Variants in ARHGEF37 observed in about 807,000 individuals in gnomAD.
ARHGEF37 encodes Rho guanine nucleotide exchange factor (GEF) 37.
In ARHGEF37, 55 loss-of-function variants were observed where a neutral mutation model predicts 71.1. The observed-to-expected ratio is 0.77, with a 90% CI of 0.62 to 0.97. The LOEUF (loss-of-function observed/expected upper bound fraction) is 0.97. ARHGEF37 is among the 50% of genes least tolerant of loss of function. The pLI, the probability that ARHGEF37 is intolerant of heterozygous loss-of-function variation, is 0.00. For synonymous variants in ARHGEF37, 327 were observed against 350.6 expected (o/e 0.93, Z 0.75); for missense variants, 765 against 836.8 (o/e 0.91, Z 1.06).
intron 1 of ARHGEF37, among the ~76,000 whole-genome samples, chr5:149,585,103 C>T (rs904500681): frequency 2.6e-5 from 4 of 152,182 alleles, no homozygotes; most frequent in African/African-American, 9.7e-5. Context: ...AGTGAAATAT[C>T]ACTTCATAAC....
intron 1 of ARHGEF37, among the ~76,000 whole-genome samples, chr5:149,561,573 A>G (rs1395079908): frequency 6.6e-6 from 1 of 152,234 alleles, no homozygotes; most frequent in Non-Finnish European, 1.5e-5. Flanking sequence ...GAGGAAATTC[A>G]AGTCATCAAT....
intron 3 of ARHGEF37, among the ~76,000 whole-genome samples, chr5:149,607,910 G>T (rs1484913580): frequency 1.3e-5 from 2 of 151,826 alleles, no homozygotes; most frequent in Non-Finnish European, 2.9e-5. Context: ...GGGACTACAG[G>T]TGCCCGCCAC....
chr5:149,600,075 T>C (rs910780788), intron 2 of ARHGEF37, among the ~76,000 whole-genome samples: 2 of 152,322 alleles, frequency 1.3e-5, no homozygotes, highest in South Asian at 2.1e-4. Context: ...GACTGGATGG[T>C]ATGGCCTATT....
In ARHGEF37 at chr5:149,563,062, C is replaced by T. The variant is rs374590815; in HGVS notation, c.-12+10939C>T. 1.2e-3 allele frequency among the ~76,000 whole-genome samples: 177 copies of T among 152,304 alleles called. 6 individuals carry two copies. The South Asian group carries it at 0.036, about 31-fold the overall frequency. ...TTTGAGAGTCAGCACCCATCTTCAT[C>T]GTGTCTGAATCTCAAACCCAGCAGT... On this transcript the variant is annotated intron_variant, in intron 1 of 2. Transcript: ENST00000505810.
chr5:149,580,084 C>T (rs913874946), upstream of ARHGEF37, among the ~76,000 whole-genome samples: 18 of 152,024 alleles, frequency 1.2e-4, no homozygotes, highest in African/African-American at 4.1e-4. Context: ...TTTTTCGAGA[C>T]GGAGTCTCGC....
At chr5:149,555,209 A>C (rs1762737680) in intron 1 of ARHGEF37, among the ~76,000 whole-genome samples, 3 of 152,080 alleles carry the variant, frequency 2.0e-5, no homozygotes, top group African/African-American at 7.2e-5. Context: ...GAATTCACTA[A>C]AAATATCAAA....
At chr5:149,557,761 A>G (rs1762773761) in intron 1 of ARHGEF37, among the ~76,000 whole-genome samples, 1 of 152,090 alleles carries the variant, frequency 6.6e-6, no homozygotes, top group South Asian at 2.1e-4. Context: ...CTAATTAACC[A>G]TACATTTATT....
chr5:149,595,131 A>T (rs761758679), intron 1 of ARHGEF37, among the ~76,000 whole-genome samples: 2 of 152,152 alleles, frequency 1.3e-5, no homozygotes, highest in Non-Finnish European at 2.9e-5. Context: ...ACAATTGTGT[A>T]TCTTACTGTG....
chr5:149,629,249 A>G (rs961870787), intron 12 of ARHGEF37, among the ~76,000 whole-genome samples: 4 of 144,064 alleles, frequency 2.8e-5, no homozygotes, highest in Non-Finnish European at 4.4e-5. Flanking sequence ...CATTCATTCA[A>G]TATTTGCCAG....
chr5:149,631,327 T>C (rs1358350473), intron 12 of ARHGEF37, among the ~76,000 whole-genome samples: 2 of 152,082 alleles, frequency 1.3e-5, no homozygotes, highest in East Asian at 1.9e-4. Flanking sequence ...TGCGCCACCA[T>C]GCCCGGCTAA....
Position 149,627,422 on chromosome 5 carries a change from ACAGT to A in ARHGEF37, c.1660+156_1660+159del, listed in dbSNP as rs1752726793. ...AGGTGACACACACAGGGCTCAGGGC[ACAGT>A]CAGTTTAGAGTGACTCCGTGGGACA... is the stretch of plus-strand genomic sequence containing the variant. On this transcript the variant is annotated intron_variant, in intron 11 of 12. Transcript: ENST00000333677. 6 of 851,012 alleles carry A rather than the reference ACAGT, an allele frequency of 7.1e-6. No individual in the cohort carries two copies. In the South Asian group the frequency reaches 1.1e-4, roughly 15 times the overall value. The allele number at this position is 851,012 out of a possible 1,614,324, so 52.7% of individuals were successfully genotyped here.
At chr5:149,573,870 G>A (rs1201944791) in intron 1 of ARHGEF37, among the ~76,000 whole-genome samples, 3 of 151,982 alleles carry the variant, frequency 2.0e-5, no homozygotes, top group African/African-American at 4.8e-5. Context: ...GATTAACCTT[G>A]TTCTTATTGG....
intron 1 of ARHGEF37, among the ~76,000 whole-genome samples, chr5:149,597,265 A>C (rs1260655761): frequency 6.6e-6 from 1 of 152,006 alleles, no homozygotes; most frequent in African/African-American, 2.4e-5. Context: ...TCTATTAAAA[A>C]AAAATTTTTT....
chr5:149,597,835 C>T lies in ARHGEF37; in HGVS notation c.66C>T (p.Ala22=). The T allele has an allele frequency of 6.2e-7, 1 of 1,605,966 alleles. No homozygotes were observed. Among genetic ancestry groups the T allele is most frequent in the Non-Finnish European group, 8.5e-7 (1 of 1,176,698 alleles). Residue 22 remains alanine (A), a synonymous_variant, in exon 2 of 13, where the codon GCC becomes GCT. Coordinates refer to ENST00000333677, the MANE Select transcript of ARHGEF37 (RefSeq NM_001001669.3). The stretch of plus-strand genomic sequence containing the variant: ...GGAGTCCGGACAGGGAAGGTAGGGC[C>T]TCTGAGGACAGATCGCTGCTTCATC... ...RSGSPDREGR[A]SEDRSLLHQR...
chr5:149,622,247 T>C (rs1192645321), intron 9 of ARHGEF37, among the ~76,000 whole-genome samples, 185 bp downstream of exon 9: 2 of 152,172 alleles, frequency 1.3e-5, no homozygotes, highest in Non-Finnish European at 2.9e-5. Context: ...CCTCTGTTAG[T>C]GAAGTCAGAC....
At chr5:149,609,037 TA>T (rs1318154938) in intron 3 of ARHGEF37, among the ~76,000 whole-genome samples, 3 of 151,860 alleles carry the variant, frequency 2.0e-5, no homozygotes, top group African/African-American at 4.8e-5. Flanking sequence ...ATACAAAAAT[TA>T]GCCAGGCATG....
rs760125677 is a variant in ARHGEF37, at chr5:149,566,451, T to C, written c.-12+14328T>C. Among the ~76,000 whole-genome samples the C allele has an allele frequency of 3.3e-5, 5 of 152,026 alleles. No homozygotes were observed. The East Asian group carries it at 9.7e-4, about 30-fold the overall frequency. ...AGGCAGAAGTTGCAGTGAGCCAAGATTGTGCCACTGAACTCCAGCCTGGGT... is the reference window on the plus strand; with the variant it reads ...AGGCAGAAGTTGCAGTGAGCCAAGACTGTGCCACTGAACTCCAGCCTGGGT... On this transcript the variant is annotated intron_variant, in intron 1 of 2. Transcript: ENST00000505810.
chr5:149,626,083 A>G (rs552902502), intron 10 of ARHGEF37, among the ~76,000 whole-genome samples: 2 of 152,314 alleles, frequency 1.3e-5, no homozygotes, highest in African/African-American at 4.8e-5. Context: ...GGACCTGTTT[A>G]GAAACATTGG....
intron 4 of ARHGEF37, among the ~76,000 whole-genome samples, chr5:149,614,319 A>G (rs1383037117): frequency 6.6e-6 from 1 of 151,914 alleles, no homozygotes; most frequent in Admixed American, 6.6e-5. Flanking sequence ...CCTCTCCAAG[A>G]TCTTGCCAGT....
Sources: gnomAD v4.1 joint callset for allele counts (sites outside exome capture counted in the v4.1 genomes callset) on GRCh38, gnomAD v4.1.1 for gene constraint, MANE v1.5 for transcripts, NCBI Gene and HGNC (gene_info 2026-07-23, HGNC 2026-07-21) for gene names.